The following FXYD6 variants were observed in gnomAD, a reference collection of about 807,000 sequenced individuals.
FXYD6 encodes FXYD domain containing ion transport regulator 6.
In FXYD6, 7 loss-of-function variants were observed where a neutral mutation model predicts 16.7. That is an observed-to-expected ratio of 0.42 (90% CI 0.24 to 0.79). The LOEUF (loss-of-function observed/expected upper bound fraction) is 0.79, where lower values mean the gene tolerates loss of function less well. Ranked by LOEUF, FXYD6 falls within the 30% of genes least tolerant of loss-of-function variation. FXYD6 has a pLI of 0.28. For synonymous variants in FXYD6, 49 were observed against 43.0 expected, an observed-to-expected ratio of 1.14 and a Z score of -0.54; for missense variants, 111 against 116.2, an observed-to-expected ratio of 0.95 and a Z score of 0.21.
intron 1 of FXYD6, 96 bp from the exon 2 acceptor site, chr11:117,842,877 C>T (rs962456091): frequency 1.5e-6 from 2 of 1,297,386 alleles, no homozygotes; most frequent in Non-Finnish European, 2.2e-6. Flanking sequence ...GCCAAATCCC[C>T]AGCTTTGCTC....
At chr11:117,876,939 G>A (rs940290851), upstream of FXYD6, 1 of 152,260 alleles carries the variant, frequency 6.6e-6, no homozygotes, top group Non-Finnish European at 1.5e-5. Context: ...TTTTTCCAAA[G>A]GGCAGTCAAG....
intron 6 of FXYD6, 111 bp downstream of exon 6, chr11:117,840,208 T>G (rs2056305637): frequency 6.9e-7 from 1 of 1,447,998 alleles, no homozygotes; most frequent in Non-Finnish European, 9.7e-7. Flanking sequence ...CTCCTGGCAC[T>G]GCGGGAGCAT....
chr11:117,866,715 C>T (rs1324225231), intron 1 of FXYD6, among the ~76,000 whole-genome samples: 1 of 152,194 alleles, frequency 6.6e-6, no homozygotes, highest in Non-Finnish European at 1.5e-5. Context: ...CTGAGTGCCC[C>T]GCTGCACTTT....
chr11:117,841,304 T>G, intron 4 of FXYD6, 120 bp from the exon 5 acceptor site: 3 of 1,327,262 alleles, frequency 2.3e-6, no homozygotes, highest in African/African-American at 1.5e-5. Context: ...AGTGCACAGT[T>G]TGCACAGCTG....
At chr11:117,848,011 C>T (rs2056513069) in intron 1 of FXYD6, among the ~76,000 whole-genome samples, 1 of 152,168 alleles carries the variant, frequency 6.6e-6, no homozygotes, top group Admixed American at 6.5e-5. Context: ...TTCTCCATAT[C>T]CTCTCCAGCA....
chr11:117,866,595 C>T (rs2057019319), intron 1 of FXYD6, among the ~76,000 whole-genome samples: 1 of 152,198 alleles, frequency 6.6e-6, no homozygotes, highest in Non-Finnish European at 1.5e-5. Context: ...GTCTGTTACC[C>T]ATTGTCAGAT....
chr11:117,841,247 C>G, intron 4 of FXYD6, 63 bp from the exon 5 acceptor site: 1 of 1,611,646 alleles, frequency 6.2e-7, no homozygotes, highest in Non-Finnish European at 8.5e-7. Flanking sequence ...GGCCAAGGGT[C>G]TGTGCAGGTT....
At chr11:117,858,701 T>C (rs201470406) in intron 1 of FXYD6, among the ~76,000 whole-genome samples, 1,157 of 57,948 alleles carry the variant, frequency 0.02, 76 homozygotes, top group African/African-American at 0.077. Flanking sequence ...CTTTCTTTCT[T>C]TCTCTCTCTC....
intron 2 of FXYD6, among the ~76,000 whole-genome samples, chr11:117,842,460 G>A (rs975695449): frequency 2.6e-5 from 4 of 152,288 alleles, no homozygotes; most frequent in Non-Finnish European, 4.4e-5. Context: ...CCACAGAGGC[G>A]CAGTGAGCTT....
chr11:117,869,559 C>T (rs1436259338), intron 1 of FXYD6, among the ~76,000 whole-genome samples: 1 of 152,130 alleles, frequency 6.6e-6, no homozygotes, highest in Non-Finnish European at 1.5e-5. Context: ...GCGGGAGAGG[C>T]AAAACTCTCT....
chr11:117,868,936 C>A (rs1367029635), intron 1 of FXYD6: 5 of 152,244 alleles, frequency 3.3e-5, no homozygotes, highest in African/African-American at 1.2e-4. Context: ...AGGAGCTGGG[C>A]TTCTCTGGTT....
At chr11:117,865,036 T>C (rs2056985643) in intron 1 of FXYD6, among the ~76,000 whole-genome samples, 1 of 152,128 alleles carries the variant, frequency 6.6e-6, no homozygotes, top group South Asian at 2.1e-4. Flanking sequence ...AACAATTCAA[T>C]TCAAAAATGA....
At chr11:117,871,319 C>A (rs1172699274) in intron 1 of FXYD6, among the ~76,000 whole-genome samples, 1 of 152,188 alleles carries the variant, frequency 6.6e-6, no homozygotes, top group Admixed American at 6.5e-5. Flanking sequence ...GGTGTCTACA[C>A]CTCCTGGTGA....
chr11:117,861,573 T>C (rs558679091), intron 1 of FXYD6, among the ~76,000 whole-genome samples: 1 of 152,386 alleles, frequency 6.6e-6, no homozygotes, highest in South Asian at 2.1e-4. Context: ...GAGTGCAGCC[T>C]GGCGAATAGT....
rs776718083 is a variant in FXYD6, at chr11:117,872,299, C to T, written c.-6+4293G>A. Among the ~76,000 whole-genome samples, 1 of 152,002 alleles carries T rather than the reference C, an allele frequency of 6.6e-6. No individual in the cohort carries two copies. The highest frequency in any genetic ancestry group is 1.9e-4 in the East Asian group (1 of 5,184). On this transcript the variant is annotated intron_variant, in intron 1 of 7. Transcript: ENST00000526014. The surrounding 1 kb of genome is among the most constrained non-coding windows in gnomAD (Gnocchi z 4.9). Reference sequence around the variant, plus strand: ...ACGTGTGTGAGAGTGTAAGTGCACCCGTGATTGCATGGAGGGGCTCTTCCT... The same window carrying T: ...ACGTGTGTGAGAGTGTAAGTGCACCTGTGATTGCATGGAGGGGCTCTTCCT...
In FXYD6 at chr11:117,842,045, T is replaced by C; in HGVS notation, c.59-17A>G. 6.2e-7 allele frequency: 1 copy of C among 1,614,080 alleles called. No individual in the cohort carries two copies. The highest frequency in any genetic ancestry group is 2.2e-5 in the East Asian group (1 of 44,884). On this transcript the variant is annotated splice_polypyrimidine_tract_variant and intron_variant, in intron 2 of 7. Coordinates refer to ENST00000526014, the MANE Select transcript of FXYD6 (RefSeq NM_022003.4). The stretch of plus-strand genomic sequence containing the variant: ...TTTCAGCTGCTGCAAAAACAAACAG[T>C]TGGTCAAGAGAAAGAAAGCTACACA...
intron 4 of FXYD6, 69 bp downstream of exon 4, chr11:117,841,722 A>G (rs1477483548): frequency 3.8e-5 from 61 of 1,588,460 alleles, no homozygotes; most frequent in Non-Finnish European, 1.7e-5. Flanking sequence ...CCAGGCTCTC[A>G]CACTGTCCCC....
intron 5 of FXYD6, among the ~76,000 whole-genome samples, chr11:117,840,942 ATGGGC>A (rs540582557): frequency 6.3e-4 from 96 of 152,134 alleles, no homozygotes; most frequent in Non-Finnish European, 1.1e-3. Flanking sequence ...AAGAGACAGG[ATGGGC>A]TGACCTTCAA....
intron 5 of FXYD6, 109 bp from the exon 6 acceptor site, chr11:117,840,477 AGT>A: frequency 6.8e-7 from 1 of 1,463,958 alleles, no homozygotes; most frequent in Non-Finnish European, 9.5e-7. Context: ...GGCTCCTCCC[AGT>A]GCCCTGAGGG....
Sources: allele counts gnomAD v4.1 joint callset (sites outside exome capture counted in the v4.1 genomes callset), GRCh38; gene constraint gnomAD v4.1.1; non-coding constraint Gnocchi (gnomAD v3.1); transcripts MANE v1.5; gene names NCBI Gene and HGNC (gene_info 2026-07-23, HGNC 2026-07-21).